The following SHTN1 variants were observed in gnomAD, a reference collection of about 807,000 sequenced individuals.
SHTN1 encodes the protein shootin-1.
Under a neutral mutation model 83.1 loss-of-function variants are expected in SHTN1, and 42 were observed. That is an observed-to-expected ratio of 0.51 (90% CI 0.39 to 0.65). The LOEUF (loss-of-function observed/expected upper bound fraction) is 0.65. SHTN1 is among the 30% of genes least tolerant of loss of function. The probability of loss-of-function intolerance (pLI) is 0.00; values close to 1 mark genes in which losing one functional copy is unlikely to be tolerated. For missense variants in SHTN1, 622 were observed against 737.8 expected (o/e 0.84, Z 1.82); for synonymous variants, 224 against 247.7 (o/e 0.90, Z 0.90).
intron 2 of SHTN1, among the ~76,000 whole-genome samples, chr10:116,972,728 A>G (rs902880491): frequency 6.6e-6 from 1 of 152,214 alleles, no homozygotes; most frequent in African/African-American, 2.4e-5. Context: ...TTGGGCCTAC[A>G]TCACTTAATT....
intron 16 of SHTN1, among the ~76,000 whole-genome samples, chr10:116,888,401 C>A (rs190461469): frequency 6.6e-6 from 1 of 152,260 alleles, no homozygotes; most frequent in East Asian, 1.9e-4. Flanking sequence ...AGGAATCAGA[C>A]CTTAGGGAAT....
intron 9 of SHTN1, among the ~76,000 whole-genome samples, chr10:116,931,211 T>C (rs1447216366): frequency 6.6e-6 from 1 of 151,646 alleles, no homozygotes; most frequent in Non-Finnish European, 1.5e-5. Context: ...TACTCTGAAA[T>C]ATATTCACTG....
At chr10:117,095,527 G>C (rs1819040217) in intron 1 of SHTN1, among the ~76,000 whole-genome samples, 2 of 152,144 alleles carry the variant, frequency 1.3e-5, no homozygotes, top group South Asian at 4.1e-4. Context: ...AACTGAAAAT[G>C]ACCATAATTT....
Position 116,949,294 on chromosome 10 carries a change from T to TA in SHTN1, c.535-298dup, listed in dbSNP as rs202213237. Reference sequence around the variant, plus strand: ...TGTATATGATACATATTTTTTTAATTAAAAAAAAACAAAGAATATAGAGAT... The same window carrying TA: ...TGTATATGATACATATTTTTTTAATTAAAAAAAAAACAAAGAATATAGAGAT... On this transcript the variant is annotated intron_variant, in intron 6 of 16. Transcript: ENST00000355371. Among the ~76,000 whole-genome samples the TA allele has an allele frequency of 1.9e-3, 280 of 150,976 alleles. 1 individual carries two copies. The highest frequency in any genetic ancestry group is 5.8e-3 in the East Asian group (30 of 5,146).
At chr10:116,920,912 C>T (rs1020459346) in intron 12 of SHTN1, among the ~76,000 whole-genome samples, 2 of 152,194 alleles carry the variant, frequency 1.3e-5, no homozygotes, top group African/African-American at 4.8e-5. Flanking sequence ...TCAGCTTGAA[C>T]ATCATTTTCA....
chr10:117,051,645 G>A (rs1476469486), intron 1 of SHTN1, among the ~76,000 whole-genome samples: 1 of 150,816 alleles, frequency 6.6e-6, no homozygotes, highest in Non-Finnish European at 1.5e-5. Flanking sequence ...CACATTAGTA[G>A]AATAGAGAGG....
intron 2 of SHTN1, among the ~76,000 whole-genome samples, chr10:117,043,483 T>C (rs1852616211): frequency 6.6e-6 from 1 of 152,218 alleles, no homozygotes; most frequent in African/African-American, 2.4e-5. Context: ...TTAAAAATGA[T>C]TAAAATGGTA....
At chr10:117,098,115 G>A (rs557207700) in intron 1 of SHTN1, among the ~76,000 whole-genome samples, 5 of 151,824 alleles carry the variant, frequency 3.3e-5, no homozygotes, top group African/African-American at 9.7e-5. Context: ...GAGGCCGGGC[G>A]CGGTGGCTCA....
chr10:116,904,823 T>C (rs2133332108), intron 15 of SHTN1, among the ~76,000 whole-genome samples: 1 of 152,302 alleles, frequency 6.6e-6, no homozygotes, highest in South Asian at 2.1e-4. Flanking sequence ...AGTAACAATG[T>C]TTCTGGAGAA....
chr10:116,977,793 A>G (rs972693041), intron 2 of SHTN1, among the ~76,000 whole-genome samples: 3 of 151,752 alleles, frequency 2.0e-5, no homozygotes, highest in African/African-American at 7.3e-5. Flanking sequence ...TCCTGCCTCA[A>G]CCTCGCAAGT....
intron 1 of SHTN1, among the ~76,000 whole-genome samples, 199 bp downstream of exon 1, chr10:117,004,823 C>T (rs543258156): frequency 1.6e-4 from 25 of 152,340 alleles, no homozygotes; most frequent in African/African-American, 5.8e-4. Flanking sequence ...CCCGACACTC[C>T]GCGTTATCCT....
At chr10:117,109,116 G>A (rs1230376066) in intron 1 of SHTN1, among the ~76,000 whole-genome samples, 1 of 152,192 alleles carries the variant, frequency 6.6e-6, no homozygotes, top group Non-Finnish European at 1.5e-5. Flanking sequence ...TGTTAGCCTT[G>A]ATTGCGCATT....
At chr10:117,022,704 T>C (rs1383146307) in intron 2 of SHTN1, among the ~76,000 whole-genome samples, 1 of 152,170 alleles carries the variant, frequency 6.6e-6, no homozygotes, top group African/African-American at 2.4e-5. Flanking sequence ...GAGGATCACT[T>C]AAGGTCAGGA....
intron 1 of SHTN1, among the ~76,000 whole-genome samples, chr10:117,081,533 A>G (rs372618645): frequency 9.3e-4 from 131 of 140,880 alleles, no homozygotes; most frequent in Non-Finnish European, 1.7e-3. Context: ...TTGGTATCAG[A>G]ATGATGCTGG....
intron 1 of SHTN1, among the ~76,000 whole-genome samples, chr10:116,987,027 T>C (rs1851244388): frequency 6.6e-6 from 1 of 152,034 alleles, no homozygotes; most frequent in African/African-American, 2.4e-5. Flanking sequence ...GTGCCCGGCC[T>C]ATTTTTTTAA....
At chr10:117,041,333 T>G (rs1231274384) in intron 2 of SHTN1, among the ~76,000 whole-genome samples, 3 of 152,212 alleles carry the variant, frequency 2.0e-5, no homozygotes, top group African/African-American at 7.2e-5. Flanking sequence ...GTTTTTAATG[T>G]GACTCCTCGA....
chr10:116,947,957 C>A (rs376225090), intron 7 of SHTN1, among the ~76,000 whole-genome samples: 2 of 152,232 alleles, frequency 1.3e-5, no homozygotes, highest in African/African-American at 4.8e-5. Context: ...AAAAAAATTC[C>A]CAGTTGATGA....
At chr10:117,062,612 C>T (rs534064386) in intron 1 of SHTN1, among the ~76,000 whole-genome samples, 11 of 152,158 alleles carry the variant, frequency 7.2e-5, no homozygotes, top group South Asian at 2.1e-4. Flanking sequence ...AATAATAATA[C>T]CCAGTTTATA....
At chr10:116,920,329 A>C (rs1006111033) in intron 12 of SHTN1, among the ~76,000 whole-genome samples, 7 of 151,418 alleles carry the variant, frequency 4.6e-5, no homozygotes, top group African/African-American at 1.7e-4. Flanking sequence ...CACCAAACAG[A>C]CTCCAGTGCA....
Sources: gnomAD v4.1 joint callset for allele counts (sites outside exome capture counted in the v4.1 genomes callset) on GRCh38, gnomAD v4.1.1 for gene constraint, MANE v1.5 for transcripts, NCBI Gene and HGNC (gene_info 2026-07-23, HGNC 2026-07-21) for gene names.